Variants in PCDHGB4 observed in about 807,000 individuals in gnomAD.
PCDHGB4 encodes the protein protocadherin gamma-B4.
PCDHGB4 carries 38 observed loss-of-function variants against 60.5 expected under a neutral mutation model. The ratio of observed to expected loss-of-function variants is 0.63; its 90% CI spans 0.48 to 0.82. PCDHGB4 has a LOEUF of 0.82. PCDHGB4 is among the 40% of genes least tolerant of loss of function. The pLI is 0.00. For synonymous variants in PCDHGB4, 456 were observed against 509.7 expected (o/e 0.89, Z 1.42); for missense variants, 1,109 against 1,209.6 (o/e 0.92, Z 1.23).
rs773703641 is a variant in PCDHGB4, at chr5:141,477,856, G to A, written c.2398-16951G>A. On this transcript the variant is annotated intron_variant, in intron 1 of 3. Transcript: ENST00000519479. The surrounding 1 kb of genome is among the most constrained non-coding windows in gnomAD (Gnocchi z 4.9). ...CAGGTGGGAGCTCGGTGGAGATGCT[G>A]CCTCGAGGTACCTCAGCTGGCCACC... is the stretch of plus-strand genomic sequence containing the variant. 6.2e-7 allele frequency: 1 copy of A among 1,613,592 alleles called. No homozygotes were observed. Among genetic ancestry groups the A allele is most frequent in the Admixed American group, 1.7e-5 (1 of 59,976 alleles).
Position 141,389,294 on chromosome 5 carries a change from A to C in PCDHGB4, c.1410A>C (p.Ser470=). The stretch of plus-strand genomic sequence containing the variant: ...ACAACCCGCCTGGAGCCTCTATTTC[A>C]CAAGTCAGGGCTTCTGATCCGGACT... The part of the protein sequence containing the change: ...AENNPPGASI[S]QVRASDPDLG... Residue 470 remains serine, a synonymous_variant, in exon 1 of 4, where the codon TCA becomes TCC. Coordinates refer to ENST00000519479, the MANE Select transcript of PCDHGB4 (RefSeq NM_003736.4). 2 of 1,613,964 alleles carry C rather than the reference A, an allele frequency of 1.2e-6. No homozygotes were observed. The highest frequency in any genetic ancestry group is 8.5e-7 in the Non-Finnish European group (1 of 1,179,882).
rs767225609 is a variant in PCDHGB4 at position 141,390,056 on chromosome 5, C to T, written c.2172C>T (p.Cys724=). Residue 724 remains cysteine, a synonymous_variant, in exon 1 of 4, where the codon TGC becomes TGT. Transcript: ENST00000519479. ...CCTCCAGCCCCGCCTCCTGGAGCTG[C>T]TTCCAGCCTGGTCTCTGTGTTAAAT... ...RRSSSPASWS[C]FQPGLCVKSE... is the part of the protein sequence containing the mutation. 9 of 1,613,960 alleles carry T rather than the reference C, an allele frequency of 5.6e-6. No homozygotes were observed. In the Admixed American group the frequency reaches 1.3e-4, roughly 24 times the overall value.
At chr5:141,495,800 C>T (rs1351461035) in intron 2 of PCDHGB4, among the ~76,000 whole-genome samples, 5 of 152,134 alleles carry the variant, frequency 3.3e-5, no homozygotes, top group Non-Finnish European at 7.3e-5. Context: ...CTCCTTTCAC[C>T]GTTTCCTAGC....
chr5:141,423,755 G>GC (rs542747697), intron 1 of PCDHGB4: 5,773 of 512,484 alleles, frequency 0.011, 63 homozygotes, highest in Non-Finnish European at 0.014. Context: ...CTGTTTGGGG[G>GC]GGGGGTGGGG....
intron 1 of PCDHGB4, among the ~76,000 whole-genome samples, chr5:141,425,812 G>A (rs1472168775): frequency 6.6e-6 from 1 of 152,054 alleles, no homozygotes; most frequent in African/African-American, 2.4e-5. Context: ...CTTCTGCTTA[G>A]AAAAAAACAA....
intron 3 of PCDHGB4, among the ~76,000 whole-genome samples, chr5:141,510,230 G>A (rs1285202719): frequency 2.7e-5 from 4 of 149,638 alleles, no homozygotes; most frequent in Non-Finnish European, 5.9e-5. Context: ...CCGGGATCGC[G>A]CCACTGCACT....
rs766191511 is a variant in PCDHGB4, at chr5:141,432,498, G to T, written c.2397+42217G>T. ...TCCACTGGCGTGGAGCTGGCTCCCC[G>T]CTCCGCAGAGCCCGGCTACCTGGTG... On this transcript the variant is annotated intron_variant, in intron 1 of 3. Coordinates refer to ENST00000519479, the MANE Select transcript of PCDHGB4 (RefSeq NM_003736.4). The surrounding 1 kb of genome is among the most constrained non-coding windows in gnomAD (Gnocchi z 6.0). The T allele has an allele frequency of 6.2e-7, 1 of 1,614,106 alleles. No homozygotes were observed. The highest frequency in any genetic ancestry group is 8.5e-7 in the Non-Finnish European group (1 of 1,180,052).
At chr5:141,473,623 A>T (rs186624707) in intron 1 of PCDHGB4, among the ~76,000 whole-genome samples, 8 of 152,280 alleles carry the variant, frequency 5.3e-5, no homozygotes, top group Non-Finnish European at 1.5e-5. Flanking sequence ...GAGGGAGGAA[A>T]AAGCAGCTTT....
At chr5:141,427,411 A>C (rs1256606726) in intron 1 of PCDHGB4, 2 of 464,124 alleles carry the variant, frequency 4.3e-6, no homozygotes, top group Admixed American at 2.3e-5. Flanking sequence ...GATTCGAGAG[A>C]AAATGGGGAG....
In PCDHGB4 at chr5:141,433,358, C is replaced by CCTATCTATCTATCTAT. The variant is rs3074541; in HGVS notation, c.2397+43110_2397+43125dup. ...ACAGGTGCAAGCCACCTACTGTCTG[C>CCTATCTATCTATCTAT]CTATCTATCTATCTATCTATCTATC... On this transcript the variant is annotated intron_variant, in intron 1 of 3. Coordinates refer to ENST00000519479, the MANE Select transcript of PCDHGB4 (RefSeq NM_003736.4). 1.1e-3 allele frequency: 566 copies of CCTATCTATCTATCTAT among 504,038 alleles called. 2 individuals carry two copies. The highest frequency in any genetic ancestry group is 1.7e-3 in the East Asian group (49 of 28,778). The allele number at this position is 504,038 out of a possible 1,614,324, so 31.2% of individuals were successfully genotyped here.
chr5:141,433,108 G>A (rs2097568903), intron 1 of PCDHGB4: 2 of 1,614,146 alleles, frequency 1.2e-6, no homozygotes, highest in East Asian at 2.2e-5. Context: ...TCAGCCAGGA[G>A]AGCTTTGAAA....
chr5:141,474,169 T>C (rs1268235616), intron 1 of PCDHGB4, among the ~76,000 whole-genome samples: 2 of 152,232 alleles, frequency 1.3e-5, no homozygotes, highest in Non-Finnish European at 2.9e-5. Context: ...GGCCTTATTA[T>C]TGAGAAAACT....
intron 1 of PCDHGB4, chr5:141,417,664 C>T: frequency 1.1e-6 from 1 of 911,118 alleles, no homozygotes; most frequent in Non-Finnish European, 1.6e-6. Context: ...CTGGGATTCC[C>T]TGCGCAGCCA....
chr5:141,421,277 T>C (rs761435958), intron 1 of PCDHGB4: 2 of 1,612,826 alleles, frequency 1.2e-6, no homozygotes, highest in Non-Finnish European at 1.7e-6. Flanking sequence ...CTGCTGCTGC[T>C]GTGCATTTTC....
At chr5:141,442,202 G>A (rs1033563159) in intron 1 of PCDHGB4, 2 of 153,258 alleles carry the variant, frequency 1.3e-5, no homozygotes, top group African/African-American at 4.8e-5. Context: ...TTTATATCTG[G>A]TGATTGCCTT....
chr5:141,482,404 A>C (rs1262544355), intron 1 of PCDHGB4, among the ~76,000 whole-genome samples: 1 of 152,076 alleles, frequency 6.6e-6, no homozygotes, highest in Non-Finnish European at 1.5e-5. Flanking sequence ...GTACTCAATA[A>C]CTATTTGTTG....
rs1370742468 is a variant in PCDHGB4, at chr5:141,389,605, A to G, written c.1721A>G (p.Asp574Gly). Residue 574 changes from aspartate to glycine, a missense_variant, in exon 1 of 4, where the codon GAT (aspartate) becomes GGT (glycine). Asp to Gly is a moderately conservative substitution (Grantham distance 94). Transcript: ENST00000519479. Reference protein sequence around the residue: ...ALGPDGSALFDMVPHAAEPGY... With the variant: ...ALGPDGSALFGMVPHAAEPGY... ...GGTCCCGACGGCTCTGCGCTCTTCGATATGGTGCCGCACGCTGCAGAGCCT... is the reference window on the plus strand; with the variant it reads ...GGTCCCGACGGCTCTGCGCTCTTCGGTATGGTGCCGCACGCTGCAGAGCCT... The G allele has an allele frequency of 1.2e-6, 2 of 1,613,092 alleles. No individual in the cohort carries two copies. Among genetic ancestry groups the G allele is most frequent in the Non-Finnish European group, 1.7e-6 (2 of 1,179,786 alleles).
chr5:141,475,721 G>C (rs867365261), intron 1 of PCDHGB4, among the ~76,000 whole-genome samples: 5 of 152,248 alleles, frequency 3.3e-5, no homozygotes, highest in Non-Finnish European at 7.3e-5. Context: ...ACAGCCCCAA[G>C]GCTGGCTTTC....
intron 1 of PCDHGB4, chr5:141,400,170 G>T (rs779918187): frequency 6.2e-7 from 1 of 1,614,066 alleles, no homozygotes; most frequent in Admixed American, 1.7e-5. Flanking sequence ...CTGACCCCCA[G>T]GCTGAGCTGC....
Sources: allele counts gnomAD v4.1 joint callset (sites outside exome capture counted in the v4.1 genomes callset), GRCh38; gene constraint gnomAD v4.1.1; non-coding constraint Gnocchi (gnomAD v3.1); transcripts MANE v1.5; gene names NCBI Gene and HGNC (gene_info 2026-07-23, HGNC 2026-07-21).